Variants in SFMBT2 observed in about 807,000 individuals in gnomAD.
The protein encoded by SFMBT2 is scm-like with four MBT domains protein 2.
A neutral mutation model predicts 110.1 loss-of-function variants in SFMBT2; 38 were observed. That is an observed-to-expected ratio of 0.35 (90% confidence interval 0.27 to 0.45). The LOEUF (loss-of-function observed/expected upper bound fraction) is 0.45, where lower values mean the gene tolerates loss of function less well. Among genes scored for constraint, SFMBT2 ranks in the 20% least tolerant of loss-of-function variants. The pLI is 1.00. For missense variants in SFMBT2, 1,011 were observed against 1,094.9 expected (o/e 0.92, Z 1.08); for synonymous variants, 425 against 425.4 (o/e 1.00, Z 0.01).
In SFMBT2 at chr10:7,187,218, G is replaced by T. The variant is rs564515144; in HGVS notation, c.1808+1406C>A. ...CTTTTATTATATCTGTGTCCATTAG[G>T]TGTACGTGGACTGTATTGAATTTTG... On this transcript the variant is annotated intron_variant, in intron 16 of 20. Transcript: ENST00000397167. 7.9e-4 allele frequency among the ~76,000 whole-genome samples: 120 copies of T among 152,298 alleles called. 1 individual carries two copies. Among genetic ancestry groups the T allele is most frequent in the African/African-American group, 2.7e-3 (112 of 41,558 alleles).
At chr10:7,311,096 A>G (rs2131902578) in intron 4 of SFMBT2, among the ~76,000 whole-genome samples, 1 of 151,502 alleles carries the variant, frequency 6.6e-6, no homozygotes, top group East Asian at 1.9e-4. Context: ...AAAACAAACT[A>G]AACTGTCAGC....
At chr10:7,281,988 G>A (rs1318404526) in intron 6 of SFMBT2, among the ~76,000 whole-genome samples, 2 of 152,072 alleles carry the variant, frequency 1.3e-5, no homozygotes, top group African/African-American at 2.4e-5. Flanking sequence ...GGGACTACAG[G>A]TGCATGCCAC....
intron 15 of SFMBT2, among the ~76,000 whole-genome samples, chr10:7,194,357 C>T (rs1412526822): frequency 6.6e-6 from 1 of 152,326 alleles, no homozygotes; most frequent in African/African-American, 2.4e-5. Flanking sequence ...AAACTTCGTC[C>T]TCTCTTATAA....
In SFMBT2 at chr10:7,363,598, G is replaced by A. The variant is rs925184428; in HGVS notation, c.436+4051C>T. ...CCTGACCTCGTGATCCGCCCGCATC[G>A]GCCTCCCAAAGTGCTGTGATTACAG... is the stretch of plus-strand genomic sequence containing the variant. On this transcript the variant is annotated intron_variant, in intron 4 of 20. Transcript: ENST00000397167. Among the ~76,000 whole-genome samples, 10 of 151,990 alleles carry A rather than the reference G, an allele frequency of 6.6e-5. No individual in the cohort carries two copies. In the East Asian group the frequency reaches 7.7e-4, roughly 12 times the overall value.
At chr10:7,202,671 A>G in intron 12 of SFMBT2, 149 bp from the exon 13 acceptor site, 1 of 1,520,154 alleles carries the variant, frequency 6.6e-7, no homozygotes, top group South Asian at 1.3e-5. Context: ...ACAATTTCCT[A>G]TCAGTTTCTT....
At chr10:7,403,511 G>A (rs1207691993) in intron 1 of SFMBT2, among the ~76,000 whole-genome samples, 1 of 152,062 alleles carries the variant, frequency 6.6e-6, no homozygotes, top group African/African-American at 2.4e-5. Context: ...GTGTGGTGGT[G>A]TGCGCCTGTA....
intron 7 of SFMBT2, among the ~76,000 whole-genome samples, chr10:7,251,134 T>C (rs1279136019): frequency 6.6e-6 from 1 of 151,484 alleles, no homozygotes; most frequent in Admixed American, 6.6e-5. Context: ...CCAAAGTATG[T>C]ACATCTATTA....
chr10:7,248,594 A>G lies in SFMBT2; in HGVS notation c.926T>C (p.Val309Ala). Residue 309 changes from valine to alanine, a missense_variant, in exon 8 of 21, where the codon GTG (valine) becomes GCG (alanine). Physicochemically the swap from Val to Ala is moderately conservative, Grantham distance 64. This residue lies in a region of SFMBT2 where 979 missense variants were observed against 1,016.1 expected (regional missense o/e 0.96). Transcript: ENST00000397167. Reference sequence around the variant, plus strand: ...GATGTAAAAGGGCTCGCACATATTCACTGTCTCAAGCTTCATCCCAACTGT... The same window carrying G: ...GATGTAAAAGGGCTCGCACATATTCGCTGTCTCAAGCTTCATCCCAACTGT... ...FFTVGMKLET[V>A]NMCEPFYISP... 1.9e-6 allele frequency: 3 copies of G among 1,614,196 alleles called. No individual in the cohort carries two copies. The highest frequency in any genetic ancestry group is 2.5e-6 in the Non-Finnish European group (3 of 1,180,022).
At chr10:7,228,740 CTCTCTCTCTCT>C (rs1564395451) in intron 9 of SFMBT2, among the ~76,000 whole-genome samples, 43 of 32,688 alleles carry the variant, frequency 1.3e-3, no homozygotes, top group South Asian at 2.3e-3. Flanking sequence ...TCTTTCCTTT[CTCTCTCTCTCT>C]CTCTCTCTCT....
At chr10:7,218,539 C>T (rs2692841) in intron 11 of SFMBT2, among the ~76,000 whole-genome samples, 90,425 of 152,000 alleles carry the variant, frequency 0.59, 27,150 homozygotes, top group East Asian at 0.87. Context: ...TTTAGAACAA[C>T]GAATCAGGTC....
At chr10:7,329,400 C>G in intron 4 of SFMBT2, 1 of 976,908 alleles carries the variant, frequency 1.0e-6, no homozygotes, top group Non-Finnish European at 1.2e-6. Context: ...CAGCCATCAG[C>G]GCAGCACAGC....
intron 2 of SFMBT2, among the ~76,000 whole-genome samples, chr10:7,371,516 G>A (rs1845065378): frequency 2.6e-5 from 4 of 152,142 alleles, no homozygotes; most frequent in Non-Finnish European, 4.4e-5. Flanking sequence ...CTACATATAC[G>A]ATAAAACTTG....
rs138065266 is a variant in SFMBT2 at position 7,268,061 on chromosome 10, T to A, written c.870+8831A>T. Among the ~76,000 whole-genome samples the A allele has an allele frequency of 8.5e-5, 13 of 152,354 alleles. No individual in the cohort carries two copies. In the East Asian group the frequency reaches 2.5e-3, roughly 29 times the overall value. ...ATTTAATATTTGCAAACACGTAGGA[T>A]CTCAGATATGGAATACGATTTATAA... On this transcript the variant is annotated intron_variant, in intron 7 of 20. Coordinates refer to ENST00000397167, the MANE Select transcript of SFMBT2 (RefSeq NM_001387889.1).
At chr10:7,188,030 C>T (rs915996442) in intron 16 of SFMBT2, among the ~76,000 whole-genome samples, 1 of 152,178 alleles carries the variant, frequency 6.6e-6, no homozygotes, top group African/African-American at 2.4e-5. Flanking sequence ...ATTGATACGG[C>T]TCCTGCTCTC....
intron 2 of SFMBT2, among the ~76,000 whole-genome samples, chr10:7,379,993 G>A (rs1050838831): frequency 3.3e-5 from 5 of 152,162 alleles, no homozygotes; most frequent in Non-Finnish European, 5.9e-5. Context: ...CACAGTTGGT[G>A]TTTAAACAGT....
intron 1 of SFMBT2, among the ~76,000 whole-genome samples, chr10:7,410,609 G>A (rs1332313482): frequency 1.3e-5 from 2 of 152,214 alleles, no homozygotes; most frequent in East Asian, 3.8e-4. Context: ...GCGCACAGAG[G>A]AGTTTGAAGC....
intron 7 of SFMBT2, among the ~76,000 whole-genome samples, chr10:7,271,410 G>A (rs2462717): frequency 6.6e-6 from 1 of 151,834 alleles, no homozygotes; most frequent in Non-Finnish European, 1.5e-5. Context: ...ATGTTTCTAA[G>A]AATGGACAGG....
intron 1 of SFMBT2, among the ~76,000 whole-genome samples, chr10:7,399,445 T>C (rs1442234860): frequency 6.6e-6 from 1 of 152,120 alleles, no homozygotes; most frequent in African/African-American, 2.4e-5. Context: ...TTGGCCAGGC[T>C]AGTCTTGAAC....
intron 16 of SFMBT2, 182 bp from the exon 17 acceptor site, chr10:7,176,347 G>A: frequency 3.5e-6 from 2 of 571,718 alleles, no homozygotes; most frequent in Non-Finnish European, 4.4e-6. Flanking sequence ...TCACTAGTGT[G>A]CAACAAATGT....
Sources: allele counts gnomAD v4.1 joint callset (sites outside exome capture counted in the v4.1 genomes callset), GRCh38; gene constraint gnomAD v4.1.1; regional missense constraint gnomAD v4.1.1; transcripts MANE v1.5; gene names NCBI Gene and HGNC (gene_info 2026-07-23, HGNC 2026-07-21).